TFPI2: variants seen among roughly 807,000 people sequenced by gnomAD.
TFPI2 encodes placental protein 5.
In TFPI2, 23 loss-of-function variants were observed where a neutral mutation model predicts 23.1. That is an observed-to-expected ratio of 1.00 (90% CI 0.72 to 1.41). The LOEUF (loss-of-function observed/expected upper bound fraction) is 1.41, where lower values mean the gene tolerates loss of function less well. Ranked by LOEUF, TFPI2 falls within the 40% of genes most tolerant of loss-of-function variation. The pLI is 0.00. For synonymous variants in TFPI2, 119 were observed against 111.7 expected (o/e 1.07, Z -0.41); for missense variants, 291 against 299.6 (o/e 0.97, Z 0.21).
chr7:93,890,338 G>A lies in TFPI2; in HGVS notation c.89-19C>T. On this transcript the variant is annotated intron_variant, in intron 1 of 4. Coordinates refer to ENST00000222543, the MANE Select transcript of TFPI2 (RefSeq NM_006528.4). ...TTATTTCCTGAAGAAGGGGCAGAAG[G>A]AGAGCAAAAGAGAGGGAAAGTGGTC... 1 of 1,589,676 alleles carries A rather than the reference G, an allele frequency of 6.3e-7. No homozygotes were observed. The highest frequency in any genetic ancestry group is 8.6e-7 in the Non-Finnish European group (1 of 1,163,132).
intron 3 of TFPI2, among the ~76,000 whole-genome samples, chr7:93,888,581 GAAGGA>G (rs1794051810): frequency 9.2e-6 from 1 of 108,808 alleles, no homozygotes; most frequent in Non-Finnish European, 1.7e-5. Context: ...AGGAAGGAAG[GAAGGA>G]AAGAGAAAGA....
At chr7:93,890,520 A>T in intron 1 of TFPI2, 71 bp downstream of exon 1, 1 of 1,523,620 alleles carries the variant, frequency 6.6e-7, no homozygotes, top group Non-Finnish European at 8.8e-7. Context: ...GAGGGCGCCT[A>T]CACGGGGCCC....
In TFPI2 at chr7:93,886,185, G is replaced by A. The variant is rs1402350159; in HGVS notation, c.*635C>T. 1 of 152,032 alleles carries A rather than the reference G, an allele frequency of 6.6e-6. No individual in the cohort carries two copies. The highest frequency in any genetic ancestry group is 6.5e-5 in the Admixed American group (1 of 15,270). The allele number at this position is 152,032 out of a possible 1,614,324, so 9.4% of individuals were successfully genotyped here. A position where few individuals can be genotyped will look rare whatever the true frequency, so the allele number is the denominator to read the frequency against. On this transcript the variant is annotated 3_prime_UTR_variant, in exon 5 of 5. Coordinates refer to ENST00000222543, the MANE Select transcript of TFPI2 (RefSeq NM_006528.4). ...TCTATGTAAACACAAACATATACATGTGAGTGGGGATTGGTAGATAAATAG... is the reference window on the plus strand; with the variant it reads ...TCTATGTAAACACAAACATATACATATGAGTGGGGATTGGTAGATAAATAG...
At chr7:93,889,404 A>C (rs986402088) in intron 2 of TFPI2, among the ~76,000 whole-genome samples, 181 bp from the exon 3 acceptor site, 11 of 151,974 alleles carry the variant, frequency 7.2e-5, no homozygotes, top group African/African-American at 2.2e-4. Context: ...CAGTGTATTC[A>C]GAGCTGACTC....
At position 93,885,976 on chromosome 7, in the gene TFPI2, T is replaced by C. The variant is rs1006099129; in HGVS notation, c.*844A>G. ...TATTTAATCAATGATAATTTACTGG[T>C]GAAATTTAAATTATTAAATTTATGC... On this transcript the variant is annotated 3_prime_UTR_variant, in exon 5 of 5. Coordinates refer to ENST00000222543, the MANE Select transcript of TFPI2 (RefSeq NM_006528.4). The C allele has an allele frequency of 1.3e-5, 2 of 152,066 alleles. No homozygotes were observed. Among genetic ancestry groups the C allele is most frequent in the Non-Finnish European group, 2.9e-5 (2 of 67,920 alleles). 9.4% of individuals were successfully genotyped at this position (152,066 alleles called of 1,614,324 possible).
In TFPI2 at chr7:93,886,661, A is replaced by AT. The variant is rs1421518897; in HGVS notation, c.*158dup. The AT allele has an allele frequency of 9.6e-6, 5 of 522,590 alleles. No individual in the cohort carries two copies. Among genetic ancestry groups the AT allele is most frequent in the Admixed American group, 4.2e-5 (1 of 23,930 alleles). The allele number at this position is 522,590 out of a possible 1,614,324, so 32.4% of individuals were successfully genotyped here. A position where few individuals can be genotyped will look rare whatever the true frequency, so the allele number is the denominator to read the frequency against. On this transcript the variant is annotated 3_prime_UTR_variant, in exon 5 of 5. Coordinates refer to ENST00000222543, the MANE Select transcript of TFPI2 (RefSeq NM_006528.4). ...ACATTTGAATAGCAGCTAGTTATAT[A>AT]TAAAAAAATCCAAATTTTTTAAAAA... is the stretch of plus-strand genomic sequence containing the variant.
chr7:93,890,613 G>A lies in TFPI2; in HGVS notation c.66C>T (p.Gly22=). The A allele has an allele frequency of 6.2e-7, 1 of 1,613,448 alleles. No individual in the cohort carries two copies. The highest frequency in any genetic ancestry group is 8.5e-7 in the Non-Finnish European group (1 of 1,179,818). The change falls in exon 1 of 5, where the codon GGC becomes GGT. Residue 22 remains glycine (G), a synonymous_variant. Transcript: ENST00000222543. ...TACCTGTTGGCTCCTGAGCAGCATC[G>A]CCCAGTGCAGCCTCCGTCAGGAAAA... ...LLLFLTEAAL[G]DAAQEPTGNN...
intron 2 of TFPI2, 183 bp downstream of exon 2, chr7:93,889,954 T>TG (rs1249004859): frequency 1.8e-6 from 1 of 551,584 alleles, no homozygotes; most frequent in African/African-American, 1.9e-5. Flanking sequence ...AGACAGGAAA[T>TG]GTGTTAGTGG....
Position 93,890,650 on chromosome 7 carries a change from G to C in TFPI2, c.29C>G (p.Ser10Trp), listed in dbSNP as rs745447348. The C allele has an allele frequency of 4.3e-6, 7 of 1,613,254 alleles. No individual in the cohort carries two copies. The South Asian group carries it at 4.4e-5, about 10-fold the overall frequency. The change falls in exon 1 of 5, where the codon TCG (serine) becomes TGG (tryptophan). Residue 10 changes from serine (S) to tryptophan (W), a missense_variant. By Grantham distance (177) the Ser-to-Trp change is radical (BLOSUM62 -3). Transcript: ENST00000222543. MDPARPLGL[S>W]ILLLFLTEAA... ...CTCCGTCAGGAAAAGCAGCAGAATC[G>C]ACAGCCCCAGGGGGCGAGCGGGGTC...
At chr7:93,888,781 T>C (rs759916840) in intron 3 of TFPI2, among the ~76,000 whole-genome samples, 71 of 152,064 alleles carry the variant, frequency 4.7e-4, no homozygotes, top group Non-Finnish European at 9.0e-4. Context: ...GAGCCGAGAT[T>C]GTGCCACTGC....
intron 3 of TFPI2, among the ~76,000 whole-genome samples, 189 bp from the exon 4 acceptor site, chr7:93,887,620 T>C (rs1179024147): frequency 6.6e-6 from 1 of 152,214 alleles, no homozygotes; most frequent in Non-Finnish European, 1.5e-5. Context: ...TTTTGGTAAT[T>C]CTAAATTTTT....
intron 2 of TFPI2, 42 bp from the exon 3 acceptor site, chr7:93,889,265 G>A: frequency 1.3e-6 from 2 of 1,504,380 alleles, no homozygotes; most frequent in South Asian, 1.3e-5. Flanking sequence ...GTCAAAAGTA[G>A]CCTTCTTATT....
Position 93,887,446 on chromosome 7 carries a change from G to A in TFPI2, c.461-15C>T, listed in dbSNP as rs933438692. ...AAATGATGGAACTTTATAAAAAAGA[G>A]AAGAAAATTAGAAATGTTATAATAC... On this transcript the variant is annotated splice_polypyrimidine_tract_variant and intron_variant, in intron 3 of 4. Coordinates refer to ENST00000222543, the MANE Select transcript of TFPI2 (RefSeq NM_006528.4). 8 of 1,597,062 alleles carry A rather than the reference G, an allele frequency of 5.0e-6. No homozygotes were observed. Among genetic ancestry groups the A allele is most frequent in the Non-Finnish European group, 6.8e-6 (8 of 1,172,758 alleles).
At position 93,889,441 on chromosome 7, in the gene TFPI2, T is replaced by C. The variant is rs1584077865; in HGVS notation, c.272-218A>G. ...GCTGTGATGTATCTTTCAAGTTCAG[T>C]AGAAAGACTCTCTGTTTTCTCTGGG... is the stretch of plus-strand genomic sequence containing the variant. On this transcript the variant is annotated intron_variant, in intron 2 of 4. Coordinates refer to ENST00000222543, the MANE Select transcript of TFPI2 (RefSeq NM_006528.4). 1.3e-5 allele frequency among the ~76,000 whole-genome samples: 2 copies of C among 152,092 alleles called. 1 individual carries two copies. Among genetic ancestry groups the C allele is most frequent in the South Asian group, 4.1e-4 (2 of 4,822 alleles).
Position 93,886,726 on chromosome 7 carries a change from T to C in TFPI2, c.*94A>G, listed in dbSNP as rs1793999293. 1 of 903,250 alleles carries C rather than the reference T, an allele frequency of 1.1e-6. No individual in the cohort carries two copies. The highest frequency in any genetic ancestry group is 1.6e-6 in the Non-Finnish European group (1 of 609,340). The allele number at this position is 903,250 out of a possible 1,614,324, so 56.0% of individuals were successfully genotyped here. A position where few individuals can be genotyped will look rare whatever the true frequency, so the allele number is the denominator to read the frequency against. ...TAAAAACTGGTGAATAAATCACCAA[T>C]GATTTGTTTCCTCATGCTGTCATAT... On this transcript the variant is annotated 3_prime_UTR_variant, in exon 5 of 5. Coordinates refer to ENST00000222543, the MANE Select transcript of TFPI2 (RefSeq NM_006528.4).
rs760726513 is a variant in TFPI2, at chr7:93,890,331, G to A, written c.89-12C>T. 2 of 1,597,752 alleles carry A rather than the reference G, an allele frequency of 1.3e-6. No homozygotes were observed. The highest frequency in any genetic ancestry group is 1.7e-6 in the Non-Finnish European group (2 of 1,168,330). On this transcript the variant is annotated splice_polypyrimidine_tract_variant and intron_variant, in intron 1 of 4. Transcript: ENST00000222543. ...CTCCGCGTTATTTCCTGAAGAAGGG[G>A]CAGAAGGAGAGCAAAAGAGAGGGAA...
At position 93,887,310 on chromosome 7, in the gene TFPI2, A is replaced by T. The variant is rs535268319; in HGVS notation, c.582T>A (p.Asn194Lys). 1 of 1,613,324 alleles carries T rather than the reference A, an allele frequency of 6.2e-7. No individual in the cohort carries two copies. The highest frequency in any genetic ancestry group is 1.3e-5 in the African/African-American group (1 of 75,056). ...DAFTYTGCGGNDNNFVSREDC... is the reference protein window; with the variant it reads ...DAFTYTGCGGKDNNFVSREDC... ...CCTCCCTGCTAACAAAGTTATTGTC[A>T]TTCCCTCCACAGCCAGTATAGGTGA... Residue 194 changes from asparagine (N) to lysine (K), a missense_variant, in exon 4 of 5, where the codon AAT becomes AAA. Coordinates refer to ENST00000222543, the MANE Select transcript of TFPI2 (RefSeq NM_006528.4).
rs80033823 is a variant in TFPI2, at chr7:93,890,725, G to T, written c.-47C>A. On this transcript the variant is annotated 5_prime_UTR_variant, in exon 1 of 5. Transcript: ENST00000222543. ...CGCTGGGCAAGGCGTCCGAGAAAGC[G>T]CCTGGCGGGAGGAGGTGCGCGGCTT... 30,172 of 1,560,886 alleles carry T rather than the reference G, an allele frequency of 0.019. 396 individuals are homozygous for T. Among genetic ancestry groups the T allele is most frequent in the Non-Finnish European group, 0.021 (23,829 of 1,145,298 alleles).
rs377182199 is a variant in TFPI2, at chr7:93,890,204, G to A, written c.204C>T (p.Gly68=). 3.1e-6 allele frequency: 5 copies of A among 1,613,540 alleles called. No individual in the cohort carries two copies. Among genetic ancestry groups the A allele is most frequent in the African/African-American group, 1.3e-5 (1 of 74,914 alleles). The stretch of plus-strand genomic sequence containing the variant: ...AGAAATTGTTGGCGTTGCCCTCGCA[G>A]CCCCCGTACAGGAACTGGCGGCAGC... ...TQSCRQFLYG[G]CEGNANNFYT... The change falls in exon 2 of 5, where the codon GGC becomes GGT. Residue 68 remains glycine, a synonymous_variant. Transcript: ENST00000222543.
Sources: gnomAD v4.1 joint callset for allele counts (sites outside exome capture counted in the v4.1 genomes callset) on GRCh38, gnomAD v4.1.1 for gene constraint, MANE v1.5 for transcripts, NCBI Gene and HGNC (gene_info 2026-07-23, HGNC 2026-07-21) for gene names.